Variants in PADI2 observed in about 807,000 individuals in gnomAD.
PADI2 encodes protein-arginine deiminase type-2.
Under a neutral mutation model 81.1 loss-of-function variants are expected in PADI2, and 70 were observed. That is an observed-to-expected ratio of 0.86 (90% CI 0.71 to 1.05). PADI2 has a LOEUF of 1.05. Ranked by LOEUF, PADI2 falls within the 50% of genes least tolerant of loss-of-function variation. The probability of loss-of-function intolerance (pLI) is 0.00; values close to 1 mark genes in which losing one functional copy is unlikely to be tolerated. For synonymous variants in PADI2, 338 were observed against 358.0 expected, an observed-to-expected ratio of 0.94 and a Z score of 0.63; for missense variants, 853 against 889.9, an observed-to-expected ratio of 0.96 and a Z score of 0.53.
chr1:17,102,901 G>T, intron 3 of PADI2, 86 bp downstream of exon 3: 1 of 997,872 alleles, frequency 1.0e-6, no homozygotes, highest in Non-Finnish European at 1.6e-6. Context: ...CAGCCGCACT[G>T]AGAACCGCCT....
intron 6 of PADI2, among the ~76,000 whole-genome samples, chr1:17,091,951 C>T (rs1202408975): frequency 1.3e-5 from 2 of 152,146 alleles, no homozygotes; most frequent in Non-Finnish European, 2.9e-5. Flanking sequence ...GGCAGGAGCC[C>T]GTGCCCTACA....
chr1:17,089,612 A>T (rs1300978624), intron 6 of PADI2, among the ~76,000 whole-genome samples: 1 of 151,470 alleles, frequency 6.6e-6, no homozygotes, highest in Non-Finnish European at 1.5e-5. Flanking sequence ...TTCACAATGC[A>T]CCTCTATTCT....
At chr1:17,081,137 C>G (rs1346777942) in intron 10 of PADI2, among the ~76,000 whole-genome samples, 1 of 152,220 alleles carries the variant, frequency 6.6e-6, no homozygotes, top group Non-Finnish European at 1.5e-5. Flanking sequence ...GCTTCTCATG[C>G]CTGTGGCAAC....
At chr1:17,103,200 G>A (rs1931214339) in intron 2 of PADI2, 141 bp from the exon 3 acceptor site, 2 of 654,790 alleles carry the variant, frequency 3.1e-6, no homozygotes, top group South Asian at 1.7e-5. Context: ...CTCTCCTCCA[G>A]GAAGAACTCC....
chr1:17,078,380 G>A (rs2078320447), intron 11 of PADI2, among the ~76,000 whole-genome samples: 3 of 151,390 alleles, frequency 2.0e-5, no homozygotes, highest in Admixed American at 2.0e-4. Context: ...CAAAGTACTG[G>A]GATTACAGGC....
In PADI2 at chr1:17,119,324, C is replaced by A; in HGVS notation, c.48G>T (p.Glu16Asp). The A allele has an allele frequency of 6.4e-7, 1 of 1,558,388 alleles. No individual in the cohort carries two copies. Residue 16 changes from glutamate to aspartate, a missense_variant, in exon 1 of 16, where the codon GAG (glutamate) becomes GAT (aspartate). Transcript: ENST00000375486. This position sits in a 1 kb window ranked among gnomAD's most constrained non-coding sequence, Gnocchi z 4.8. ...TVRLQYGSRV[E>D]AVYVLGTYLW... ...GGTAGGTGCCCAGCACGTACACCGC[C>A]TCCACGCGGCTCCCGTACTGCAGCC...
chr1:17,106,223 C>A (rs1470514566), intron 1 of PADI2, among the ~76,000 whole-genome samples: 1 of 152,146 alleles, frequency 6.6e-6, no homozygotes, highest in Non-Finnish European at 1.5e-5. Flanking sequence ...CATTGCAAAG[C>A]AAATACTTTT....
Position 17,119,430 on chromosome 1 carries a change from G to T in PADI2, c.-59C>A. On this transcript the variant is annotated 5_prime_UTR_variant, in exon 1 of 16. In the 5' UTR this introduces an upstream ATG that the reference lacks. Coordinates refer to ENST00000375486, the MANE Select transcript of PADI2 (RefSeq NM_007365.3). The surrounding 1 kb of genome is among the most constrained non-coding windows in gnomAD (Gnocchi z 4.8). ...GGGGCGGCCGGGAGCACCTGCAGCA[G>T]GTGCGCCTTCTCCAGCAGCCTGCGC... The T allele has an allele frequency of 1.5e-6, 2 of 1,321,786 alleles. No individual in the cohort carries two copies. Among genetic ancestry groups the T allele is most frequent in the Non-Finnish European group, 2.1e-6 (2 of 968,950 alleles). 81.9% of individuals were successfully genotyped at this position (1,321,786 alleles called of 1,614,324 possible).
chr1:17,093,771 G>T, intron 4 of PADI2, 87 bp from the exon 5 acceptor site: 1 of 799,624 alleles, frequency 1.3e-6, no homozygotes, highest in Non-Finnish European at 2.1e-6. Context: ...CCCAGGATGA[G>T]GGTAAAGAGT....
chr1:17,095,885 G>T (rs1320571187), intron 4 of PADI2, 24 bp downstream of exon 4: 1 of 1,599,204 alleles, frequency 6.3e-7, no homozygotes, highest in Non-Finnish European at 8.5e-7. Flanking sequence ...GTTCAGGGTG[G>T]TGCCTGCCCT....
At chr1:17,106,437 T>A (rs1453018734) in intron 1 of PADI2, among the ~76,000 whole-genome samples, 1 of 151,572 alleles carries the variant, frequency 6.6e-6, no homozygotes, top group Non-Finnish European at 1.5e-5. Context: ...GGCAGGCTTC[T>A]TTTTCTTCTT....
intron 13 of PADI2, among the ~76,000 whole-genome samples, chr1:17,074,538 T>G (rs1410762741): frequency 6.6e-6 from 1 of 152,144 alleles, no homozygotes; most frequent in East Asian, 1.9e-4. Flanking sequence ...CCCAGCTGCA[T>G]GTCAGTTTTC....
At chr1:17,096,048 T>A in intron 3 of PADI2, 78 bp from the exon 4 acceptor site, 1 of 1,089,032 alleles carries the variant, frequency 9.2e-7, no homozygotes, top group Admixed American at 2.1e-5. Context: ...ACCTGTGGGA[T>A]TTGGGTGCGT....
chr1:17,109,357 C>T (rs1169124906), intron 1 of PADI2, among the ~76,000 whole-genome samples: 1 of 134,492 alleles, frequency 7.4e-6, no homozygotes, highest in African/African-American at 2.8e-5. Context: ...CACTGAACTC[C>T]AGCCTGGGTG....
rs531702238 is a variant in PADI2, at chr1:17,116,238, T to C, written c.92+3042A>G. 4.6e-5 allele frequency among the ~76,000 whole-genome samples: 7 copies of C among 152,308 alleles called. 1 individual carries two copies. The highest frequency in any genetic ancestry group is 3.4e-3 in the Middle Eastern group (1 of 294). On this transcript the variant is annotated intron_variant, in intron 1 of 15. Coordinates refer to ENST00000375486, the MANE Select transcript of PADI2 (RefSeq NM_007365.3). ...CACAAGGTCTATTGAGGAATGAGGC[T>C]GGGGAGGCCCCTGCTATGTGTCTGG... is the stretch of plus-strand genomic sequence containing the variant.
intron 14 of PADI2, among the ~76,000 whole-genome samples, chr1:17,070,900 G>T (rs962645787): frequency 6.6e-6 from 1 of 152,174 alleles, no homozygotes; most frequent in African/African-American, 2.4e-5. Flanking sequence ...GACCTCAGGT[G>T]ATCTGCCCAC....
Position 17,067,669 on chromosome 1 carries a change from A to T in PADI2, c.*1375T>A, listed in dbSNP as rs1021566490. On this transcript the variant is annotated 3_prime_UTR_variant, in exon 16 of 16. Coordinates refer to ENST00000375486, the MANE Select transcript of PADI2 (RefSeq NM_007365.3). ...TAGGGACCAGGTCCAGACTGCTACT[A>T]ACCACTGTGTTTGCAGAGCCCAACG... 2 of 152,338 alleles carry T rather than the reference A, an allele frequency of 1.3e-5. No individual in the cohort carries two copies. Among genetic ancestry groups the T allele is most frequent in the Admixed American group, 6.5e-5 (1 of 15,300 alleles). The allele number at this position is 152,338 out of a possible 1,614,324, so 9.4% of individuals were successfully genotyped here.
At chr1:17,081,432 A>T (rs1317824435) in intron 10 of PADI2, among the ~76,000 whole-genome samples, 1 of 152,190 alleles carries the variant, frequency 6.6e-6, no homozygotes, top group Non-Finnish European at 1.5e-5. Flanking sequence ...AGGACTCAAG[A>T]CCGGGTCCAC....
In PADI2 at chr1:17,115,646, A is replaced by T. The variant is rs534193332; in HGVS notation, c.92+3634T>A. Among the ~76,000 whole-genome samples the T allele has an allele frequency of 6.6e-6, 1 of 151,708 alleles. No homozygotes were observed. The highest frequency in any genetic ancestry group is 1.9e-4 in the East Asian group (1 of 5,136). ...TGGCCAGGATGGAACCAACCTAGGG[A>T]CTCCCTCTGTGCTCTCTTTCCAACT... On this transcript the variant is annotated intron_variant, in intron 1 of 15. Transcript: ENST00000375486. The surrounding 1 kb of genome is among the most constrained non-coding windows in gnomAD (Gnocchi z 4.1).
Sources: gnomAD v4.1 joint callset for allele counts (sites outside exome capture counted in the v4.1 genomes callset) on GRCh38, gnomAD v4.1.1 for gene constraint, Gnocchi (gnomAD v3.1) non-coding constraint, MANE v1.5 for transcripts, NCBI Gene and HGNC (gene_info 2026-07-23, HGNC 2026-07-21) for gene names.